The following DNAAF11 variants were observed in gnomAD, a reference collection of about 807,000 sequenced individuals.
The protein encoded by DNAAF11 is dynein axonemal assembly factor 11, also known as leucine rich repeat containing 6.
Under a neutral mutation model 60.8 loss-of-function variants are expected in DNAAF11, and 45 were observed. The ratio of observed to expected loss-of-function variants is 0.74; its 90% CI spans 0.58 to 0.95. The LOEUF (loss-of-function observed/expected upper bound fraction) is 0.95. Among genes scored for constraint, DNAAF11 ranks in the 40% least tolerant of loss-of-function variants. The probability of loss-of-function intolerance (pLI) is 0.00; values close to 1 mark genes in which losing one functional copy is unlikely to be tolerated. For synonymous variants in DNAAF11, 191 were observed against 183.5 expected, an observed-to-expected ratio of 1.04 and a Z score of -0.33; for missense variants, 546 against 546.2, an observed-to-expected ratio of 1.00 and a Z score of 0.00.
chr8:132,658,065 ATGG>A (rs951164624), intron 2 of DNAAF11, among the ~76,000 whole-genome samples: 2 of 152,214 alleles, frequency 1.3e-5, no homozygotes, highest in African/African-American at 4.8e-5. Flanking sequence ...AAGCTCAAAG[ATGG>A]TGATTTATAA....
chr8:132,615,170 C>T (rs2130082216), intron 7 of DNAAF11, 73 bp from the exon 8 acceptor site: 1 of 839,964 alleles, frequency 1.2e-6, no homozygotes, highest in South Asian at 1.6e-5. Context: ...ATCATAAATT[C>T]ATAAGCAGAT....
chr8:132,664,065 G>A (rs148227220), intron 1 of DNAAF11, among the ~76,000 whole-genome samples: 45 of 152,350 alleles, frequency 3.0e-4, no homozygotes, highest in African/African-American at 1.0e-3. Flanking sequence ...TGTTAGGAAA[G>A]TATACTTGTC....
Position 132,638,170 on chromosome 8 carries a change from T to C in DNAAF11, c.257-63A>G, listed in dbSNP as rs1366154397. 2.4e-6 allele frequency: 3 copies of C among 1,256,894 alleles called. No individual in the cohort carries two copies. The African/African-American group carries it at 4.4e-5, about 19-fold the overall frequency. The allele number at this position is 1,256,894 out of a possible 1,614,324, so 77.9% of individuals were successfully genotyped here. On this transcript the variant is annotated intron_variant, in intron 3 of 11. Transcript: ENST00000620350. ...GAAAAATCACACTGGTAACAAAACG[T>C]GTGTAACATCACATAACAGAAGTAA...
chr8:132,660,054 G>A (rs1344841994), intron 2 of DNAAF11, among the ~76,000 whole-genome samples: 1 of 152,156 alleles, frequency 6.6e-6, no homozygotes, highest in Non-Finnish European at 1.5e-5. Context: ...AGGGCACACA[G>A]GGGTTGGCAC....
At chr8:132,586,546 C>T (rs1454196053) in intron 10 of DNAAF11, among the ~76,000 whole-genome samples, 2 of 152,136 alleles carry the variant, frequency 1.3e-5, no homozygotes, top group East Asian at 1.9e-4. Context: ...ACCAACTACC[C>T]GTAATTCCTC....
rs1488763485 is a variant in DNAAF11 at position 132,609,119 on chromosome 8, G to A, written c.1140+1047C>T. 2.0e-5 allele frequency among the ~76,000 whole-genome samples: 3 copies of A among 152,044 alleles called. No homozygotes were observed. The East Asian group carries it at 5.8e-4, about 29-fold the overall frequency. On this transcript the variant is annotated intron_variant, in intron 10 of 11. Transcript: ENST00000620350. The stretch of plus-strand genomic sequence containing the variant: ...ACCCTACCCCTAGCTTATGGGATGA[G>A]GTATGATTAATAGAAACCAATCAAA...
chr8:132,590,238 G>A (rs76582722), intron 10 of DNAAF11, among the ~76,000 whole-genome samples: 1,587 of 152,288 alleles, frequency 0.01, 30 homozygotes, highest in African/African-American at 0.036. Context: ...AGAACCGTAC[G>A]TGCTTTCACA....
chr8:132,651,276 GA>G (rs1297496623), intron 3 of DNAAF11, among the ~76,000 whole-genome samples: 28 of 137,078 alleles, frequency 2.0e-4, no homozygotes, highest in East Asian at 1.0e-3. Context: ...AGGAGAAAAA[GA>G]AAAAAAAAAG....
chr8:132,666,829 G>A (rs1824682967), intron 1 of DNAAF11, among the ~76,000 whole-genome samples: 3 of 152,170 alleles, frequency 2.0e-5, no homozygotes, highest in Admixed American at 6.5e-5. Flanking sequence ...CATACCACTC[G>A]GGTCATGTGG....
At chr8:132,675,584 G>C (rs538525038), upstream of DNAAF11, 33 of 1,357,588 alleles carry the variant, frequency 2.4e-5, no homozygotes, top group Non-Finnish European at 3.3e-5. Context: ...GCGCGTCCCC[G>C]TCGGAATTCA....
intron 5 of DNAAF11, among the ~76,000 whole-genome samples, chr8:132,627,118 G>A (rs1235934490): frequency 6.6e-6 from 1 of 151,944 alleles, no homozygotes; most frequent in Non-Finnish European, 1.5e-5. Context: ...AGTTCTTTAT[G>A]GTATTGAAAG....
At chr8:132,701,043 G>C in the DNAAF11 span, among the ~76,000 whole-genome samples, 1 of 152,158 alleles carries the variant, frequency 6.6e-6, no homozygotes, top group Non-Finnish European at 1.5e-5. Context: ...AAGATGGAAG[G>C]GCAAGAATGA....
Position 132,625,435 on chromosome 8 carries a change from C to G in DNAAF11, c.673G>C (p.Asp225His), listed in dbSNP as rs762076141. 2.5e-6 allele frequency: 4 copies of G among 1,608,426 alleles called. No individual in the cohort carries two copies. The East Asian group carries it at 8.9e-5, about 36-fold the overall frequency. Residue 225 changes from aspartate (D) to histidine (H), a missense_variant, in exon 6 of 12, where the codon GAC becomes CAC. Coordinates refer to ENST00000620350, the MANE Select transcript of DNAAF11 (RefSeq NM_012472.6). ...TCTGTGTCTGGTGCCTGTAGGTGGT[C>G]TTTGCTCTCTAAAGAGGAACTAGGA... is the stretch of plus-strand genomic sequence containing the variant. ...NATLSSLESK[D>H]HLQAPDTEEH...
At chr8:132,689,699 G>A in the DNAAF11 span, among the ~76,000 whole-genome samples, 7 of 83,976 alleles carry the variant, frequency 8.3e-5, no homozygotes, top group African/African-American at 3.5e-4. Context: ...GTATGTACGT[G>A]TGTGTGTGTG....
At chr8:132,652,984 TG>T (rs1182736606) in intron 3 of DNAAF11, among the ~76,000 whole-genome samples, 1 of 152,170 alleles carries the variant, frequency 6.6e-6, no homozygotes, top group Non-Finnish European at 1.5e-5. Flanking sequence ...GTAGATGGAC[TG>T]AACTATAAAA....
At chr8:132,672,767 T>C (rs545839129) in intron 1 of DNAAF11, among the ~76,000 whole-genome samples, 3 of 152,262 alleles carry the variant, frequency 2.0e-5, no homozygotes, top group Admixed American at 6.5e-5. Context: ...ATTTCTCCTT[T>C]AGTTGAAGGA....
At chr8:132,582,418 GA>G (rs1275407083) in intron 11 of DNAAF11, among the ~76,000 whole-genome samples, 1 of 152,172 alleles carries the variant, frequency 6.6e-6, no homozygotes, top group Non-Finnish European at 1.5e-5. Flanking sequence ...AACCAGCTCC[GA>G]ACTGTTTGCA....
intron 3 of DNAAF11, among the ~76,000 whole-genome samples, chr8:132,645,299 C>A (rs551406765): frequency 2.0e-5 from 3 of 152,318 alleles, no homozygotes; most frequent in Non-Finnish European, 4.4e-5. Context: ...AGCTAACAAA[C>A]AGAAAGGACA....
the DNAAF11 span, among the ~76,000 whole-genome samples, chr8:132,689,374 G>C: frequency 6.6e-6 from 1 of 152,036 alleles, no homozygotes; most frequent in Non-Finnish European, 1.5e-5. Flanking sequence ...AGAATCATCT[G>C]GGGTTTTGCT....
Sources: gnomAD v4.1 joint callset for allele counts (sites outside exome capture counted in the v4.1 genomes callset) on GRCh38, gnomAD v4.1.1 for gene constraint, MANE v1.5 for transcripts, NCBI Gene and HGNC (gene_info 2026-07-23, HGNC 2026-07-21) for gene names.